ZRANB1: variants seen among roughly 807,000 people sequenced by gnomAD.
The protein encoded by ZRANB1 is ubiquitin thioesterase ZRANB1.
A neutral mutation model predicts 80.5 loss-of-function variants in ZRANB1; 16 were observed. That is an observed-to-expected ratio of 0.20 (90% CI 0.13 to 0.30). The LOEUF is 0.30. Among genes scored for constraint, ZRANB1 ranks in the 10% least tolerant of loss-of-function variants. The pLI, the probability that ZRANB1 is intolerant of heterozygous loss-of-function variation, is 1.00. For synonymous variants in ZRANB1, 291 were observed against 293.1 expected (o/e 0.99, Z 0.07); for missense variants, 576 against 862.6 (o/e 0.67, Z 4.16).
Position 124,942,333 on chromosome 10 carries a change from C to T in ZRANB1, c.-161C>T, listed in dbSNP as rs1216092099. On this transcript the variant is annotated 5_prime_UTR_variant, in exon 1 of 9. Transcript: ENST00000359653. ...AAAGAAAATTAGGATAATTCAATGTCGAAATGTTGCATGCATCTTTTGAGA... is the reference window on the plus strand; with the variant it reads ...AAAGAAAATTAGGATAATTCAATGTTGAAATGTTGCATGCATCTTTTGAGA... 15 of 1,427,054 alleles carry T rather than the reference C, an allele frequency of 1.1e-5. No homozygotes were observed. The highest frequency in any genetic ancestry group is 2.5e-4 in the Middle Eastern group (1 of 3,960). 88.4% of individuals were successfully genotyped at this position (1,427,054 alleles called of 1,614,324 possible). A position where few individuals can be genotyped will look rare whatever the true frequency, so the allele number is the denominator to read the frequency against.
At chr10:124,970,404 G>T (rs951902473) in intron 2 of ZRANB1, among the ~76,000 whole-genome samples, 21 of 152,070 alleles carry the variant, frequency 1.4e-4, no homozygotes, top group African/African-American at 5.1e-4. Flanking sequence ...GACTACTGGT[G>T]CATGCCACTA....
rs1554942752 is a variant in ZRANB1 at position 124,988,068 on chromosome 10, G to GTTTGT, written c.*3079_*3080insGTTTT. On this transcript the variant is annotated 3_prime_UTR_variant, in exon 9 of 9. Transcript: ENST00000359653. ...AGAACTCTAAAAGTTGAGCAACTTT[G>GTTTGT]TTTTTTTTTGAATTGATTTAGCACT... 2.0e-5 allele frequency: 3 copies of GTTTGT among 151,388 alleles called. No homozygotes were observed. Among genetic ancestry groups the GTTTGT allele is most frequent in the African/African-American group, 7.3e-5 (3 of 41,136 alleles). 9.4% of individuals were successfully genotyped at this position (151,388 alleles called of 1,614,324 possible). A position where few individuals can be genotyped will look rare whatever the true frequency, so the allele number is the denominator to read the frequency against.
At chr10:124,978,917 G>A (rs1187389171) in intron 5 of ZRANB1, among the ~76,000 whole-genome samples, 2 of 137,476 alleles carry the variant, frequency 1.5e-5, no homozygotes, top group African/African-American at 2.8e-5. Context: ...AAGAATTATC[G>A]GCCGGGCCTG....
At chr10:124,973,100 T>G (rs1951840526) in intron 3 of ZRANB1, among the ~76,000 whole-genome samples, 1 of 152,208 alleles carries the variant, frequency 6.6e-6, no homozygotes, top group African/African-American at 2.4e-5. Flanking sequence ...TGAAATGCAC[T>G]TGTTCTGAGT....
intron 1 of ZRANB1, among the ~76,000 whole-genome samples, chr10:124,952,166 G>A (rs2134256913): frequency 6.6e-6 from 1 of 152,256 alleles, no homozygotes; most frequent in African/African-American, 2.4e-5. Context: ...CCCCATGCGT[G>A]CGTCCCAGTC....
chr10:124,956,048 T>C lies in ZRANB1; in HGVS notation c.815-10546T>C, dbSNP rs143298300. 3.5e-3 allele frequency among the ~76,000 whole-genome samples: 539 copies of C among 152,334 alleles called. 2 individuals are homozygous for C. The highest frequency in any genetic ancestry group is 0.012 in the African/African-American group (514 of 41,574). On this transcript the variant is annotated intron_variant, in intron 1 of 8. Transcript: ENST00000359653. ...TATGTCTGAGACGTAGTTCTCGGCT[T>C]TCAGAAATGATTGATTACACAGGGT...
the ZRANB1 span, among the ~76,000 whole-genome samples, chr10:124,933,693 C>T: frequency 6.6e-6 from 1 of 152,126 alleles, no homozygotes; most frequent in Admixed American, 6.5e-5. Context: ...TAGGTTGTTA[C>T]ATTAGTTTTG....
chr10:124,964,056 C>T (rs148644874), intron 1 of ZRANB1, among the ~76,000 whole-genome samples: 1 of 152,220 alleles, frequency 6.6e-6, no homozygotes, highest in East Asian at 1.9e-4. Flanking sequence ...GCAGTATGCC[C>T]GTTTGTAGTT....
At chr10:124,949,938 T>C (rs1450339630) in intron 1 of ZRANB1, among the ~76,000 whole-genome samples, 1 of 152,114 alleles carries the variant, frequency 6.6e-6, no homozygotes, top group Non-Finnish European at 1.5e-5. Context: ...GCAGTGGTGT[T>C]CCCTGTTGAA....
At chr10:124,941,516 C>G (rs754552637), upstream of ZRANB1, among the ~76,000 whole-genome samples, 35 of 151,996 alleles carry the variant, frequency 2.3e-4, no homozygotes, top group Non-Finnish European at 4.6e-4. Context: ...CCATGCACGG[C>G]TAATTTTTGT....
chr10:124,927,104 C>T, the ZRANB1 span, among the ~76,000 whole-genome samples: 1 of 152,118 alleles, frequency 6.6e-6, no homozygotes, highest in Admixed American at 6.5e-5. Context: ...TACAGGCGCC[C>T]GCCACCTCGC....
intron 1 of ZRANB1, among the ~76,000 whole-genome samples, chr10:124,955,639 A>G (rs1283304031): frequency 2.6e-5 from 4 of 152,162 alleles, no homozygotes; most frequent in Admixed American, 6.5e-5. Context: ...CATATAGGTA[A>G]TAGAGTTATT....
At chr10:124,954,166 T>TTTTTTTTTTTG (rs1951668819) in intron 1 of ZRANB1, among the ~76,000 whole-genome samples, 1 of 121,206 alleles carries the variant, frequency 8.3e-6, no homozygotes, top group African/African-American at 2.8e-5. Context: ...TTTTTTTTTT[T>TTTTTTTTTTTG]GTAGAGGCGG....
At chr10:124,938,132 A>G (rs79012500), upstream of ZRANB1, among the ~76,000 whole-genome samples, 1,568 of 152,316 alleles carry the variant, frequency 0.01, 14 homozygotes, top group Non-Finnish European at 0.014. Flanking sequence ...AAGGTAGAGT[A>G]TTAACTTTTA....
chr10:124,941,015 A>C (rs75154159), upstream of ZRANB1, among the ~76,000 whole-genome samples: 28 of 149,156 alleles, frequency 1.9e-4, no homozygotes, highest in African/African-American at 5.7e-4. Flanking sequence ...ACAACAACAA[A>C]AAAACAAACA....
At chr10:124,978,951 C>CAGT (rs397751574) in intron 5 of ZRANB1, among the ~76,000 whole-genome samples, 5 of 151,496 alleles carry the variant, frequency 3.3e-5, no homozygotes, top group Admixed American at 6.6e-5. Flanking sequence ...ATAATTCCAG[C>CAGT]GCCTTGGGAA....
intron 6 of ZRANB1, among the ~76,000 whole-genome samples, chr10:124,982,614 T>C (rs1379071959): frequency 6.6e-6 from 1 of 152,150 alleles, no homozygotes; most frequent in Non-Finnish European, 1.5e-5. Flanking sequence ...CATGGTTCAT[T>C]TGAACTTAGA....
chr10:124,960,472 C>G (rs749639356), intron 1 of ZRANB1, among the ~76,000 whole-genome samples: 2 of 152,140 alleles, frequency 1.3e-5, no homozygotes, highest in African/African-American at 2.4e-5. Context: ...CACTCTGTTA[C>G]CCAGGTTGGA....
intron 4 of ZRANB1, 122 bp downstream of exon 4, chr10:124,973,838 G>C (rs745322416): frequency 1.2e-6 from 1 of 847,938 alleles, no homozygotes; most frequent in Non-Finnish European, 1.8e-6. Context: ...AATTAAAGAC[G>C]TAAAGTCCTG....
Sources: gnomAD v4.1 joint callset for allele counts (sites outside exome capture counted in the v4.1 genomes callset) on GRCh38, gnomAD v4.1.1 for gene constraint, MANE v1.5 for transcripts, NCBI Gene and HGNC (gene_info 2026-07-23, HGNC 2026-07-21) for gene names.